The following C5orf47 variants were observed in gnomAD, a reference collection of about 807,000 sequenced individuals.
C5orf47 encodes uncharacterized protein C5orf47.
Under a neutral mutation model 20.6 loss-of-function variants are expected in C5orf47, and 20 were observed. That is an observed-to-expected ratio of 0.97 (90% confidence interval 0.68 to 1.41). The LOEUF (loss-of-function observed/expected upper bound fraction) is 1.41, where lower values mean the gene tolerates loss of function less well. Ranked by LOEUF, C5orf47 falls within the 40% of genes most tolerant of loss-of-function variation. C5orf47 has a pLI of 0.00. For missense variants in C5orf47, 262 were observed against 238.4 expected (o/e 1.10, Z -0.65); for synonymous variants, 106 against 97.3 (o/e 1.09, Z -0.53).
chr5:173,991,506 TG>T (rs1208557689), intron 1 of C5orf47, among the ~76,000 whole-genome samples: 11 of 150,254 alleles, frequency 7.3e-5, no homozygotes, highest in South Asian at 4.2e-4. Context: ...TTTCAGTGTT[TG>T]TTTTTTTTTT....
downstream of C5orf47, among the ~76,000 whole-genome samples, chr5:174,008,931 CACTTT>C (rs1192497781): frequency 6.6e-6 from 1 of 151,870 alleles, no homozygotes; most frequent in Non-Finnish European, 1.5e-5. Context: ...TCTGGGACTT[CACTTT>C]ATAAATAGGA....
chr5:174,002,190 G>A (rs560708600), intron 4 of C5orf47, among the ~76,000 whole-genome samples: 43 of 151,976 alleles, frequency 2.8e-4, no homozygotes, highest in African/African-American at 1.0e-3. Flanking sequence ...TGAACTCCTG[G>A]CCTCAAGTGA....
intron 4 of C5orf47, among the ~76,000 whole-genome samples, chr5:174,001,743 T>G (rs77582279): frequency 0.02 from 2,970 of 152,118 alleles, 103 homozygotes; most frequent in African/African-American, 0.068. Flanking sequence ...CTAGGAGTGA[T>G]TGTTGGTCCC....
chr5:174,001,117 C>A, intron 3 of C5orf47, 79 bp from the exon 4 acceptor site: 1 of 839,272 alleles, frequency 1.2e-6, no homozygotes, highest in Non-Finnish European at 1.9e-6. Context: ...AACTTGTATT[C>A]CATAATGTAT....
chr5:173,995,409 A>G (rs558535823), intron 1 of C5orf47, among the ~76,000 whole-genome samples: 155 of 152,264 alleles, frequency 1.0e-3, no homozygotes, highest in Non-Finnish European at 2.1e-3. Flanking sequence ...ACATGAATAG[A>G]GAAGTCACTA....
Position 173,989,384 on chromosome 5 carries a change from T to TGGGGTCA in C5orf47, c.126_132dup (p.Pro45SerfsTer75), listed in dbSNP as rs1351466714. The TGGGGTCA allele has an allele frequency of 1.3e-6, 2 of 1,537,726 alleles. No homozygotes were observed. Among genetic ancestry groups the TGGGGTCA allele is most frequent in the African/African-American group, 1.4e-5 (1 of 72,136 alleles). On this transcript the variant is annotated frameshift_variant, in exon 1 of 5. Transcript: ENST00000340147. LOFTEE classifies it high-confidence loss of function. ...GGGCGGCCGTGGAGCTCAAGGCCTT[T>TGGGGTCA]GGGGTCAGGGGCCTGGGGCAGGCTG...
chr5:173,989,302 G>C lies in C5orf47; in HGVS notation c.39G>C (p.Ala13=). ...GCCGGGGTCGGGAGCAGGACTCGGCGCGCTTCGTCTATGTGACGCGCTTCG... is the reference window on the plus strand; with the variant it reads ...GCCGGGGTCGGGAGCAGGACTCGGCCCGCTTCGTCTATGTGACGCGCTTCG... The part of the protein sequence containing the change: ...AAGRGREQDS[A]RFVYVTRFGS... The change falls in exon 1 of 5, where the codon GCG becomes GCC. Residue 13 remains alanine, a synonymous_variant. Coordinates refer to ENST00000340147, the MANE Select transcript of C5orf47 (RefSeq NM_001144954.2). 7.1e-7 allele frequency: 1 copy of C among 1,401,278 alleles called. No individual in the cohort carries two copies. The highest frequency in any genetic ancestry group is 1.5e-5 in the African/African-American group (1 of 66,274). 86.8% of individuals were successfully genotyped at this position (1,401,278 alleles called of 1,614,324 possible). A position where few individuals can be genotyped will look rare whatever the true frequency, so the allele number is the denominator to read the frequency against.
At chr5:173,994,726 G>T (rs1014118050) in intron 1 of C5orf47, among the ~76,000 whole-genome samples, 1 of 152,216 alleles carries the variant, frequency 6.6e-6, no homozygotes, top group Admixed American at 6.5e-5. Flanking sequence ...GTCAAGGGAA[G>T]GGGGTCCTGG....
chr5:173,994,189 G>T (rs72814724), intron 1 of C5orf47, among the ~76,000 whole-genome samples: 23,968 of 152,180 alleles, frequency 0.16, 2,463 homozygotes, highest in African/African-American at 0.29. Flanking sequence ...CGTGGAGAAT[G>T]CAGACCTTAC....
chr5:173,989,548 A>G lies in C5orf47; in HGVS notation c.285A>G (p.Ala95=). 2 of 1,515,950 alleles carry G rather than the reference A, an allele frequency of 1.3e-6. No homozygotes were observed. The highest frequency in any genetic ancestry group is 1.2e-5 in the South Asian group (1 of 80,320). 93.9% of individuals were successfully genotyped at this position (1,515,950 alleles called of 1,614,324 possible). A position where few individuals can be genotyped will look rare whatever the true frequency, so the allele number is the denominator to read the frequency against. Residue 95 remains alanine, a synonymous_variant, in exon 1 of 5, where the codon GCA becomes GCG. Transcript: ENST00000340147. ...CCTCTGCCTCCTCCCAGCTGCGGGCATCGAGAGTTCAGAGCGGCACCAGAC... is the reference window on the plus strand; with the variant it reads ...CCTCTGCCTCCTCCCAGCTGCGGGCGTCGAGAGTTCAGAGCGGCACCAGAC... The part of the protein sequence containing the change: ...AAASASSQLR[A]SRVQSGTRQS...
chr5:173,995,637 G>T (rs1410916542), intron 1 of C5orf47, among the ~76,000 whole-genome samples: 1 of 152,202 alleles, frequency 6.6e-6, no homozygotes, highest in African/African-American at 2.4e-5. Context: ...CACAGTGTTC[G>T]GCATAGAATA....
chr5:173,991,932 G>C (rs1759004680), intron 1 of C5orf47, among the ~76,000 whole-genome samples: 2 of 152,158 alleles, frequency 1.3e-5, no homozygotes, highest in South Asian at 4.1e-4. Context: ...TTAGAACCTA[G>C]TGCTTTTTGA....
At chr5:173,992,017 T>C (rs1759006236) in intron 1 of C5orf47, among the ~76,000 whole-genome samples, 1 of 152,154 alleles carries the variant, frequency 6.6e-6, no homozygotes, top group Admixed American at 6.5e-5. Context: ...CTCTAATAGG[T>C]CAATTTTAGT....
At chr5:173,998,914 A>G (rs138858554) in intron 2 of C5orf47, among the ~76,000 whole-genome samples, 13 of 152,340 alleles carry the variant, frequency 8.5e-5, no homozygotes, top group Non-Finnish European at 1.3e-4. Flanking sequence ...ATTAGAGGTT[A>G]ATAACTCTTG....
rs1169371559 is a variant in C5orf47, at chr5:174,002,410, A to T, written c.*16+1179A>T. Among the ~76,000 whole-genome samples, 3 of 152,164 alleles carry T rather than the reference A, an allele frequency of 2.0e-5. No individual in the cohort carries two copies. In the East Asian group the frequency reaches 5.8e-4, roughly 29 times the overall value. On this transcript the variant is annotated intron_variant, in intron 4 of 4. Transcript: ENST00000340147. The stretch of plus-strand genomic sequence containing the variant: ...ATAGTATTTCAAAGAGTCTAACTTG[A>T]ATTTTGGGCTGAGGATTTGTACTTC...
rs1050383753 is a variant in C5orf47 at position 173,998,102 on chromosome 5, A to G, written c.326-51A>G. On this transcript the variant is annotated intron_variant, in intron 1 of 4. Coordinates refer to ENST00000340147, the MANE Select transcript of C5orf47 (RefSeq NM_001144954.2). ...ACATTTATATGGTCTCTATTTTCAG[A>G]TAGTAAATCCTTATATATGTTGACC... The G allele has an allele frequency of 3.1e-5, 33 of 1,056,080 alleles. No homozygotes were observed. The African/African-American group carries it at 3.9e-4, about 12-fold the overall frequency. The allele number at this position is 1,056,080 out of a possible 1,614,324, so 65.4% of individuals were successfully genotyped here.
chr5:174,007,877 A>G (rs1362635911), downstream of C5orf47, among the ~76,000 whole-genome samples: 3 of 152,132 alleles, frequency 2.0e-5, no homozygotes, highest in African/African-American at 4.8e-5. Flanking sequence ...ACCTTTCATA[A>G]TAATGTAGTC....
chr5:174,003,748 T>A (rs937121040), intron 4 of C5orf47, among the ~76,000 whole-genome samples: 1 of 151,932 alleles, frequency 6.6e-6, no homozygotes, highest in African/African-American at 2.4e-5. Flanking sequence ...ATGAGAGAGA[T>A]GATTGTGGGG....
chr5:173,999,335 G>T (rs1038126445), intron 2 of C5orf47, among the ~76,000 whole-genome samples: 3 of 152,108 alleles, frequency 2.0e-5, no homozygotes, highest in Admixed American at 6.5e-5. Flanking sequence ...TCAAATCATT[G>T]CCCAATGGTT....
Sources: allele counts gnomAD v4.1 joint callset (sites outside exome capture counted in the v4.1 genomes callset), GRCh38; gene constraint gnomAD v4.1.1; transcripts MANE v1.5; gene names NCBI Gene and HGNC (gene_info 2026-07-23, HGNC 2026-07-21).